The following TMX3 variants were observed in gnomAD, a reference collection of about 807,000 sequenced individuals.
TMX3 encodes the protein protein disulfide-isomerase TMX3.
A neutral mutation model predicts 64.4 loss-of-function variants in TMX3; 40 were observed. The observed-to-expected ratio is 0.62, with a 90% CI of 0.48 to 0.81. The LOEUF (loss-of-function observed/expected upper bound fraction) is 0.81. TMX3 is among the 30% of genes least tolerant of loss of function. TMX3 has a pLI of 0.00. For synonymous variants in TMX3, 189 were observed against 175.7 expected (o/e 1.08, Z -0.60); for missense variants, 497 against 534.5 (o/e 0.93, Z 0.69).
intron 10 of TMX3, among the ~76,000 whole-genome samples, chr18:68,686,267 T>C (rs950979902): frequency 3.3e-5 from 5 of 152,156 alleles, no homozygotes; most frequent in African/African-American, 7.2e-5. Context: ...CACACTTCTG[T>C]TTCCAAATTC....
chr18:68,689,520 AT>A (rs1478386997), intron 9 of TMX3, among the ~76,000 whole-genome samples: 3 of 151,808 alleles, frequency 2.0e-5, no homozygotes, highest in Non-Finnish European at 4.4e-5. Flanking sequence ...TGGAAAAAAA[AT>A]CTCTTTAATC....
intron 9 of TMX3, chr18:68,689,801 CCTG>C (rs1235657524): frequency 1.3e-5 from 2 of 152,114 alleles, no homozygotes; most frequent in South Asian, 2.1e-4. Context: ...ATATGATAAA[CCTG>C]CTATTTAATT....
At chr18:68,711,035 A>G (rs1478792101) in intron 3 of TMX3, among the ~76,000 whole-genome samples, 19 of 152,200 alleles carry the variant, frequency 1.2e-4, no homozygotes, top group Admixed American at 1.2e-3. Flanking sequence ...AACTATCAAG[A>G]AAGCAAGAGT....
intron 9 of TMX3, 31 bp downstream of exon 9, chr18:68,691,263 TG>T: frequency 6.9e-7 from 1 of 1,456,216 alleles, no homozygotes; most frequent in Non-Finnish European, 9.4e-7. Flanking sequence ...AATTTTAAAA[TG>T]TTTTACATGA....
intron 9 of TMX3, chr18:68,688,052 C>A (rs756108102): frequency 2.3e-4 from 45 of 195,306 alleles, no homozygotes; most frequent in Admixed American, 7.7e-4. Flanking sequence ...TGGTATATGT[C>A]GATAAAGATC....
chr18:68,697,899 CA>C, intron 7 of TMX3, 32 bp downstream of exon 7: 1 of 1,351,328 alleles, frequency 7.4e-7, no homozygotes, highest in Non-Finnish European at 1.1e-6. Flanking sequence ...AATTACAATA[CA>C]TCTGTTTTTG....
At chr18:68,697,848 G>T in intron 7 of TMX3, 84 bp downstream of exon 7, 1 of 829,054 alleles carries the variant, frequency 1.2e-6, no homozygotes, top group Non-Finnish European at 1.9e-6. Flanking sequence ...AGAGTAATAA[G>T]TTCTGCGTTT....
At chr18:68,681,374 TATAACATATGTATTGAAAAAA>T in intron 13 of TMX3, 6 of 716,038 alleles carry the variant, frequency 8.4e-6, no homozygotes, top group Non-Finnish European at 1.1e-5. Flanking sequence ...AAAAACATTT[TATAACATATGTATTGAAAAAA>T]ATTCCTATGG....
In TMX3 at chr18:68,711,414, A is replaced by C; in HGVS notation, c.102-11T>G. On this transcript the variant is annotated splice_polypyrimidine_tract_variant and intron_variant, in intron 2 of 15. Coordinates refer to ENST00000299608, the MANE Select transcript of TMX3 (RefSeq NM_019022.5). ...CGATTTTCTTTAAACCTAAAAAACA[A>C]GAAAACAAATGTTTGATTGTATGTT... The C allele has an allele frequency of 6.3e-7, 1 of 1,576,458 alleles. No individual in the cohort carries two copies. Among genetic ancestry groups the C allele is most frequent in the Non-Finnish European group, 8.7e-7 (1 of 1,153,240 alleles).
intron 2 of TMX3, among the ~76,000 whole-genome samples, chr18:68,713,067 C>T (rs2031449849): frequency 6.6e-6 from 1 of 151,132 alleles, no homozygotes. Context: ...CATGAAACAG[C>T]ACCAGGTGAG....
chr18:68,708,526 A>C (rs1371611102), intron 4 of TMX3, among the ~76,000 whole-genome samples: 2 of 152,140 alleles, frequency 1.3e-5, no homozygotes, highest in African/African-American at 4.8e-5. Context: ...CATGTCTATG[A>C]AAATTACCGT....
intron 9 of TMX3, among the ~76,000 whole-genome samples, chr18:68,688,263 A>G (rs1207129332): frequency 6.6e-6 from 1 of 152,116 alleles, no homozygotes; most frequent in African/African-American, 2.4e-5. Flanking sequence ...ACTACAGGTA[A>G]TTTTTATTAC....
At position 68,702,358 on chromosome 18, in the gene TMX3, G is replaced by C. The variant is rs180780503; in HGVS notation, c.266-568C>G. On this transcript the variant is annotated intron_variant, in intron 4 of 15. Transcript: ENST00000299608. ...GAGTTTCTGCTTTTGTGATAACCTA[G>C]AGTAATTTTAATTATCTCAAAGATT... is the stretch of plus-strand genomic sequence containing the variant. Among the ~76,000 whole-genome samples, 72 of 135,520 alleles carry C rather than the reference G, an allele frequency of 5.3e-4. No individual in the cohort carries two copies. In the East Asian group the frequency reaches 0.011, roughly 21 times the overall value. 88.9% of individuals were successfully genotyped at this position (135,520 alleles called of 152,430 possible). A position where few individuals can be genotyped will look rare whatever the true frequency, so the allele number is the denominator to read the frequency against.
At position 68,700,396 on chromosome 18, in the gene TMX3, A is replaced by G; in HGVS notation, c.392+9T>C. 6.5e-7 allele frequency: 1 copy of G among 1,546,324 alleles called. No homozygotes were observed. Among genetic ancestry groups the G allele is most frequent in the Non-Finnish European group, 8.7e-7 (1 of 1,145,912 alleles). On this transcript the variant is annotated intron_variant, in intron 6 of 15. Transcript: ENST00000299608. ...TAACATACAGTAAAGGCCTTTCCTA[A>G]TAACTTACCCAGATACTCTGTGAGC...
Position 68,677,133 on chromosome 18 carries a change from T to C in TMX3, c.1165A>G (p.Ile389Val). ...TAGATTCCATAGCACATGATACTGA[T>C]GACACCCAGTGGCAGGCCAAAGAGA... ...CFLFGLPLGV[I>V]SIMCYGIYTA... Residue 389 changes from isoleucine to valine, a missense_variant, in exon 16 of 16, where the codon ATC becomes GTC. Around this residue, in one of 3 missense-constraint regions of TMX3, gnomAD observed 43 missense variants for 75.3 expected, o/e 0.57. Coordinates refer to ENST00000299608, the MANE Select transcript of TMX3 (RefSeq NM_019022.5). 1.2e-6 allele frequency: 2 copies of C among 1,613,754 alleles called. No homozygotes were observed. Among genetic ancestry groups the C allele is most frequent in the Non-Finnish European group, 1.7e-6 (2 of 1,179,732 alleles).
At chr18:68,701,843 T>A in intron 4 of TMX3, 53 bp from the exon 5 acceptor site, 1 of 1,455,752 alleles carries the variant, frequency 6.9e-7, no homozygotes, top group Non-Finnish European at 9.6e-7. Flanking sequence ...TATGAGAAAC[T>A]AGGTAACAAA....
chr18:68,714,767 T>C (rs953032528), intron 1 of TMX3, among the ~76,000 whole-genome samples, 169 bp downstream of exon 1: 2 of 152,180 alleles, frequency 1.3e-5, no homozygotes, highest in Non-Finnish European at 2.9e-5. Context: ...GTCCGCTCCG[T>C]CAGGGCCAGG....
chr18:68,688,208 T>C (rs1914153550), intron 9 of TMX3, among the ~76,000 whole-genome samples: 1 of 152,148 alleles, frequency 6.6e-6, no homozygotes, highest in African/African-American at 2.4e-5. Context: ...AGTCAGTTAT[T>C]CCTAAATGGT....
At chr18:68,709,762 C>T (rs1409888028) in intron 4 of TMX3, among the ~76,000 whole-genome samples, 2 of 152,034 alleles carry the variant, frequency 1.3e-5, no homozygotes, top group African/African-American at 4.8e-5. Flanking sequence ...CCTTTTACAG[C>T]TGCCTCATAT....
Sources: gnomAD v4.1 joint callset for allele counts (sites outside exome capture counted in the v4.1 genomes callset) on GRCh38, gnomAD v4.1.1 for gene constraint, gnomAD v4.1.1 regional missense constraint, MANE v1.5 for transcripts, NCBI Gene and HGNC (gene_info 2026-07-23, HGNC 2026-07-21) for gene names.